Variants in GRM8 observed in about 807,000 individuals in gnomAD.
The protein encoded by GRM8 is metabotropic glutamate receptor 8.
A neutral mutation model predicts 87.2 loss-of-function variants in GRM8; 47 were observed. That is an observed-to-expected ratio of 0.54 (90% CI 0.43 to 0.69). The LOEUF (loss-of-function observed/expected upper bound fraction) is 0.69. Among genes scored for constraint, GRM8 ranks in the 30% least tolerant of loss-of-function variants. The probability of loss-of-function intolerance (pLI) is 0.00; values close to 1 mark genes in which losing one functional copy is unlikely to be tolerated. For missense variants in GRM8, 1,019 were observed against 1,139.2 expected (o/e 0.89, Z 1.52); for synonymous variants, 396 against 404.5 (o/e 0.98, Z 0.25).
At chr7:126,969,884 C>A (rs566704923) in intron 3 of GRM8, among the ~76,000 whole-genome samples, 1 of 152,224 alleles carries the variant, frequency 6.6e-6, no homozygotes. Context: ...CCATGGGCTG[C>A]AGAATGGATG....
chr7:126,866,402 T>C (rs1798591608), intron 6 of GRM8, among the ~76,000 whole-genome samples: 1 of 152,116 alleles, frequency 6.6e-6, no homozygotes, highest in African/African-American at 2.4e-5. Context: ...CTTTGAAGTA[T>C]GAAAGTTTTT....
At chr7:127,130,872 C>T (rs1827651324) in intron 2 of GRM8, among the ~76,000 whole-genome samples, 1 of 152,164 alleles carries the variant, frequency 6.6e-6, no homozygotes, top group South Asian at 2.1e-4. Flanking sequence ...CCTTGCTTTC[C>T]CTTCACCTTC....
At position 126,613,739 on chromosome 7, in the gene GRM8, C is replaced by T. The variant is rs148396530; in HGVS notation, c.1358-4241G>A. Among the ~76,000 whole-genome samples the T allele has an allele frequency of 3.7e-4, 57 of 152,342 alleles. No individual in the cohort carries two copies. In the East Asian group the frequency reaches 9.1e-3, roughly 24 times the overall value. On this transcript the variant is annotated intron_variant, in intron 7 of 10. Transcript: ENST00000339582. Reference sequence around the variant, plus strand: ...CACACCAGGAGATTATATCCCACACCTGGCTCAGAGGGTCCCATGCCCACG... The same window carrying T: ...CACACCAGGAGATTATATCCCACACTTGGCTCAGAGGGTCCCATGCCCACG...
chr7:126,710,531 C>T (rs1810996946), intron 7 of GRM8, among the ~76,000 whole-genome samples: 2 of 152,162 alleles, frequency 1.3e-5, no homozygotes, highest in Non-Finnish European at 2.9e-5. Flanking sequence ...AAACCACTTT[C>T]TTTGATCATC....
chr7:126,916,620 G>A (rs1049275163), intron 3 of GRM8, among the ~76,000 whole-genome samples: 1 of 152,170 alleles, frequency 6.6e-6, no homozygotes, highest in Non-Finnish European at 1.5e-5. Flanking sequence ...AGCATTACCC[G>A]AATTCTGCAA....
At position 127,252,851 on chromosome 7, in the gene GRM8, TG is replaced by T. The variant is rs1193818413; in HGVS notation, c.-367del. On this transcript the variant is annotated 5_prime_UTR_variant, in exon 1 of 11. Coordinates refer to ENST00000339582, the MANE Select transcript of GRM8 (RefSeq NM_000845.3). The surrounding 1 kb of genome is among the most constrained non-coding windows in gnomAD (Gnocchi z 4.9). ...AGCCCGCCGGGGGCCCGCAGCTCCA[TG>T]TCAGCGCCGCCGCCGCCGCCGCCGC... 4.6e-6 allele frequency: 1 copy of T among 219,770 alleles called. No homozygotes were observed. The highest frequency in any genetic ancestry group is 1.6e-4 in the East Asian group (1 of 6,188). 13.6% of individuals were successfully genotyped at this position (219,770 alleles called of 1,614,324 possible). A position where few individuals can be genotyped will look rare whatever the true frequency, so the allele number is the denominator to read the frequency against.
intron 6 of GRM8, among the ~76,000 whole-genome samples, chr7:126,878,507 C>T (rs112339368): frequency 2.8e-5 from 4 of 141,456 alleles, no homozygotes; most frequent in Non-Finnish European, 6.0e-5. Flanking sequence ...CTTAATATAT[C>T]GTCGTCTTCT....
intron 3 of GRM8, among the ~76,000 whole-genome samples, chr7:126,914,906 C>G (rs1803728684): frequency 6.6e-6 from 1 of 152,070 alleles, no homozygotes; most frequent in Admixed American, 6.6e-5. Context: ...CATGTACCCC[C>G]CCAATCTAAA....
chr7:126,727,966 T>A (rs1364793126), intron 7 of GRM8, among the ~76,000 whole-genome samples: 4 of 152,182 alleles, frequency 2.6e-5, no homozygotes, highest in Non-Finnish European at 5.9e-5. Flanking sequence ...ATGCTTACAT[T>A]CTGATATGAT....
chr7:127,200,116 G>A (rs3808118), intron 2 of GRM8, among the ~76,000 whole-genome samples: 29,372 of 151,982 alleles, frequency 0.19, 3,183 homozygotes, highest in Non-Finnish European at 0.25. Context: ...AATTTTAAAA[G>A]GGAGAATTCC....
chr7:126,569,417 T>G (rs368382101), intron 8 of GRM8, among the ~76,000 whole-genome samples: 1 of 152,216 alleles, frequency 6.6e-6, no homozygotes, highest in African/African-American at 2.4e-5. Context: ...CATACTGAAC[T>G]TCTTCAAAAA....
intron 7 of GRM8, among the ~76,000 whole-genome samples, chr7:126,734,397 T>C (rs1238610853): frequency 6.6e-6 from 1 of 151,780 alleles, no homozygotes; most frequent in Admixed American, 6.6e-5. Context: ...TTTTAAATAA[T>C]GATATACTAG....
intron 2 of GRM8, among the ~76,000 whole-genome samples, chr7:127,207,585 T>A (rs1283469088): frequency 6.6e-6 from 1 of 152,190 alleles, no homozygotes; most frequent in Non-Finnish European, 1.5e-5. Context: ...TTACAATGAC[T>A]ATTCCATAGA....
intron 6 of GRM8, among the ~76,000 whole-genome samples, chr7:126,834,946 T>C (rs927822496): frequency 2.0e-5 from 3 of 151,656 alleles, no homozygotes; most frequent in Non-Finnish European, 4.4e-5. Flanking sequence ...TGTGGTGGTG[T>C]GTGCCTGTAT....
chr7:127,086,343 G>T lies in GRM8; in HGVS notation c.727+20153C>A, dbSNP rs1011994345. 5.3e-5 allele frequency among the ~76,000 whole-genome samples: 8 copies of T among 152,154 alleles called. No homozygotes were observed. The East Asian group carries it at 9.6e-4, about 18-fold the overall frequency. On this transcript the variant is annotated intron_variant, in intron 3 of 10. Transcript: ENST00000339582. ...TCTCGATCTCCTGACCTCGTGATCTGCCTGCCTCGGCCTCCAAAAGTGCTG... is the reference window on the plus strand; with the variant it reads ...TCTCGATCTCCTGACCTCGTGATCTTCCTGCCTCGGCCTCCAAAAGTGCTG...
At chr7:126,575,116 C>T (rs547494108) in intron 8 of GRM8, among the ~76,000 whole-genome samples, 2 of 152,204 alleles carry the variant, frequency 1.3e-5, no homozygotes, top group South Asian at 4.1e-4. Flanking sequence ...CGGTTTGTGG[C>T]CTGTTAGGAA....
At chr7:126,717,277 G>A (rs1205656647) in intron 7 of GRM8, among the ~76,000 whole-genome samples, 2 of 152,194 alleles carry the variant, frequency 1.3e-5, no homozygotes, top group African/African-American at 2.4e-5. Context: ...AATTCTAGAA[G>A]GGTGGAGATG....
chr7:126,674,925 G>A (rs1806785886), intron 7 of GRM8, among the ~76,000 whole-genome samples: 1 of 152,174 alleles, frequency 6.6e-6, no homozygotes, highest in Non-Finnish European at 1.5e-5. Context: ...GCCAAATATT[G>A]ATCCCTTCAT....
intron 8 of GRM8, among the ~76,000 whole-genome samples, chr7:126,580,958 A>T (rs1795552242): frequency 1.7e-5 from 2 of 116,544 alleles, no homozygotes; most frequent in African/African-American, 5.1e-5. Flanking sequence ...AAGAGGTCTT[A>T]AAAAAATAGA....
Sources: gnomAD v4.1 joint callset for allele counts (sites outside exome capture counted in the v4.1 genomes callset) on GRCh38, gnomAD v4.1.1 for gene constraint, Gnocchi (gnomAD v3.1) non-coding constraint, MANE v1.5 for transcripts, NCBI Gene and HGNC (gene_info 2026-07-23, HGNC 2026-07-21) for gene names.